ANKS1B: variants seen among roughly 807,000 people sequenced by gnomAD.
ANKS1B encodes the protein ankyrin repeat and sterile alpha motif domain-containing protein 1B.
ANKS1B carries 36 observed loss-of-function variants against 148.3 expected under a neutral mutation model. The observed-to-expected ratio is 0.24, with a 90% CI of 0.19 to 0.32. ANKS1B has a LOEUF of 0.32. Among genes scored for constraint, ANKS1B ranks in the 10% least tolerant of loss-of-function variants. ANKS1B has a pLI of 1.00. For missense variants in ANKS1B, 1,157 were observed against 1,542.6 expected (o/e 0.75, Z 4.19); for synonymous variants, 542 against 560.8 (o/e 0.97, Z 0.47).
Position 99,348,491 on chromosome 12 carries a change from TC to T in ANKS1B, c.1756+51139del, listed in dbSNP as rs1352310136. ...ACCAAGTAAGATAAACTCCAACAGATCTAAACTGACATATTATAATCAAACC... is the reference window on the plus strand; with the variant it reads ...ACCAAGTAAGATAAACTCCAACAGATTAAACTGACATATTATAATCAAACC... On this transcript the variant is annotated intron_variant, in intron 12 of 26. Transcript: ENST00000683438. Among the ~76,000 whole-genome samples, 7 of 151,748 alleles carry T rather than the reference TC, an allele frequency of 4.6e-5. 1 individual carries two copies. The highest frequency in any genetic ancestry group is 1.7e-4 in the African/African-American group (7 of 41,490).
chr12:99,213,382 T>C (rs1400335337), intron 14 of ANKS1B, among the ~76,000 whole-genome samples: 2 of 152,234 alleles, frequency 1.3e-5, no homozygotes, highest in African/African-American at 4.8e-5. Context: ...TCATCTTCCC[T>C]TAAGTCTGTC....
At chr12:99,940,574 C>T (rs767830733) in intron 1 of ANKS1B, among the ~76,000 whole-genome samples, 28 of 152,010 alleles carry the variant, frequency 1.8e-4, no homozygotes, top group South Asian at 4.2e-4. Context: ...AGCCAATCAA[C>T]GAAGCCAAAA....
chr12:99,980,345 C>A (rs1020676878), intron 1 of ANKS1B, among the ~76,000 whole-genome samples: 2 of 151,940 alleles, frequency 1.3e-5, no homozygotes, highest in African/African-American at 2.4e-5. Flanking sequence ...CATTACAGAA[C>A]ACTGAAAATA....
downstream of ANKS1B, among the ~76,000 whole-genome samples, chr12:98,741,633 C>G (rs1240908231): frequency 6.6e-6 from 1 of 152,146 alleles, no homozygotes; most frequent in Non-Finnish European, 1.5e-5. Context: ...GAGTTTGCAA[C>G]CTGCTCAAAC....
chr12:99,699,482 G>A (rs563244067), intron 8 of ANKS1B, among the ~76,000 whole-genome samples: 2 of 152,156 alleles, frequency 1.3e-5, no homozygotes, highest in South Asian at 2.1e-4. Context: ...CTGAGAAGCC[G>A]TTAAGAAATA....
intron 1 of ANKS1B, among the ~76,000 whole-genome samples, chr12:99,975,610 T>A (rs2153837836): frequency 6.6e-6 from 1 of 152,348 alleles, no homozygotes; most frequent in South Asian, 2.1e-4. Flanking sequence ...TGGCCACTTG[T>A]ATGTCTTCTT....
At chr12:99,668,613 G>T (rs752112595) in intron 8 of ANKS1B, among the ~76,000 whole-genome samples, 2 of 151,796 alleles carry the variant, frequency 1.3e-5, no homozygotes, top group Non-Finnish European at 2.9e-5. Context: ...AGATTATGAT[G>T]TATCTTTGTC....
At position 99,812,511 on chromosome 12, in the gene ANKS1B, CCACACACACACACACA is replaced by C. The variant is rs10539640; in HGVS notation, c.216-216_216-201del. 5.4e-3 allele frequency among the ~76,000 whole-genome samples: 681 copies of C among 126,092 alleles called. 7 individuals are homozygous for C. Among genetic ancestry groups the C allele is most frequent in the African/African-American group, 0.018 (581 of 32,978 alleles). The allele number at this position is 126,092 out of a possible 152,430, so 82.7% of individuals were successfully genotyped here. A position where few individuals can be genotyped will look rare whatever the true frequency, so the allele number is the denominator to read the frequency against. ...TTACCTGGAAAACCATCACCCCATG[CCACACACACACACACA>C]CACACACACACACACACACACACAC... On this transcript the variant is annotated intron_variant, in intron 2 of 26. Coordinates refer to ENST00000683438, the MANE Select transcript of ANKS1B (RefSeq NM_001352186.2).
intron 16 of ANKS1B, chr12:99,084,044 C>G (rs993777871): frequency 1.2e-4 from 19 of 152,224 alleles, no homozygotes; most frequent in African/African-American, 4.3e-4. Flanking sequence ...AGGTAACACA[C>G]TGCTTACAGT....
chr12:99,850,837 T>C (rs985470939), intron 1 of ANKS1B, among the ~76,000 whole-genome samples: 1 of 152,060 alleles, frequency 6.6e-6, no homozygotes, highest in Non-Finnish European at 1.5e-5. Context: ...GCCACAAATA[T>C]AAATCCTAAC....
At chr12:99,565,020 G>A (rs1013256293) in intron 9 of ANKS1B, among the ~76,000 whole-genome samples, 4 of 152,110 alleles carry the variant, frequency 2.6e-5, no homozygotes, top group Non-Finnish European at 5.9e-5. Flanking sequence ...ACCCAATCAA[G>A]TTTCCTTAGA....
intron 4 of ANKS1B, among the ~76,000 whole-genome samples, chr12:99,792,240 G>A (rs115277069): frequency 0.026 from 3,989 of 151,686 alleles, 182 homozygotes; most frequent in African/African-American, 0.091. Flanking sequence ...TAACAAGATC[G>A]AAGCCATAAT....
At chr12:99,453,039 C>T (rs530599157) in intron 10 of ANKS1B, among the ~76,000 whole-genome samples, 7 of 152,168 alleles carry the variant, frequency 4.6e-5, no homozygotes, top group Non-Finnish European at 8.8e-5. Flanking sequence ...GCCTGTAATC[C>T]TAGCACTTTG....
At chr12:98,907,398 G>A (rs1412986603) in intron 17 of ANKS1B, among the ~76,000 whole-genome samples, 3 of 152,174 alleles carry the variant, frequency 2.0e-5, no homozygotes, top group Non-Finnish European at 4.4e-5. Context: ...CTGCCTTCCT[G>A]GGATGGGTTT....
At chr12:99,471,327 T>TA (rs2096238536) in intron 10 of ANKS1B, among the ~76,000 whole-genome samples, 1 of 151,896 alleles carries the variant, frequency 6.6e-6, no homozygotes, top group Non-Finnish European at 1.5e-5. Context: ...ATCATATATA[T>TA]TTATGAGTCC....
At chr12:99,124,763 T>G (rs2063834680) in intron 15 of ANKS1B, among the ~76,000 whole-genome samples, 1 of 151,794 alleles carries the variant, frequency 6.6e-6, no homozygotes, top group Non-Finnish European at 1.5e-5. Flanking sequence ...TGAGAAGGAA[T>G]GGCCTGCAAG....
chr12:99,687,919 T>C (rs557749358), intron 8 of ANKS1B, among the ~76,000 whole-genome samples: 2 of 152,236 alleles, frequency 1.3e-5, no homozygotes. Context: ...GGTGCCAGAT[T>C]TTGTTATATT....
At chr12:99,400,027 T>G (rs927462532) in intron 11 of ANKS1B, among the ~76,000 whole-genome samples, 1 of 152,140 alleles carries the variant, frequency 6.6e-6, no homozygotes, top group African/African-American at 2.4e-5. Context: ...GCATAGTTGA[T>G]GTGATAGGTT....
At chr12:99,817,403 T>A (rs1237771237) in intron 2 of ANKS1B, among the ~76,000 whole-genome samples, 1 of 151,798 alleles carries the variant, frequency 6.6e-6, no homozygotes, top group Non-Finnish European at 1.5e-5. Context: ...ATTTACTTTA[T>A]CTGTTCACTT....
Sources: allele counts gnomAD v4.1 joint callset (sites outside exome capture counted in the v4.1 genomes callset), GRCh38; gene constraint gnomAD v4.1.1; transcripts MANE v1.5; gene names NCBI Gene and HGNC (gene_info 2026-07-23, HGNC 2026-07-21).